SIL1: variants seen among roughly 807,000 people sequenced by gnomAD.
SIL1 encodes nucleotide exchange factor SIL1.
SIL1 carries 40 observed loss-of-function variants against 49.1 expected under a neutral mutation model. The ratio of observed to expected loss-of-function variants is 0.81; its 90% CI spans 0.63 to 1.06. The LOEUF is 1.06. Ranked by LOEUF, SIL1 falls within the 50% of genes least tolerant of loss-of-function variation. The pLI is 0.00. For synonymous variants in SIL1, 253 were observed against 250.8 expected (o/e 1.01, Z -0.08); for missense variants, 500 against 572.6 (o/e 0.87, Z 1.29).
intron 1 of SIL1, among the ~76,000 whole-genome samples, chr5:139,140,887 T>C (rs1397896481): frequency 6.6e-6 from 1 of 152,178 alleles, no homozygotes; most frequent in African/African-American, 2.4e-5. Context: ...AAGCAGAGTA[T>C]TGCCTAGGAA....
chr5:139,195,549 G>A (rs1337774339), intron 1 of SIL1, among the ~76,000 whole-genome samples: 1 of 152,010 alleles, frequency 6.6e-6, no homozygotes, highest in Non-Finnish European at 1.5e-5. Context: ...CACCTCGCCC[G>A]GGTAATTTTT....
chr5:139,073,644 G>C (rs1769882504), intron 3 of SIL1, among the ~76,000 whole-genome samples: 1 of 152,130 alleles, frequency 6.6e-6, no homozygotes, highest in African/African-American at 2.4e-5. Flanking sequence ...GGTAACTATA[G>C]TTAATAATAT....
At chr5:139,062,079 C>T (rs1769601643) in intron 3 of SIL1, among the ~76,000 whole-genome samples, 1 of 152,224 alleles carries the variant, frequency 6.6e-6, no homozygotes, top group African/African-American at 2.4e-5. Flanking sequence ...AACCCCCGAA[C>T]AAGTCTTGGC....
chr5:139,118,844 C>T (rs1475702983), intron 3 of SIL1, among the ~76,000 whole-genome samples: 1 of 152,174 alleles, frequency 6.6e-6, no homozygotes, highest in Non-Finnish European at 1.5e-5. Flanking sequence ...TGGTCTGACA[C>T]CATGACACCA....
intron 7 of SIL1, chr5:139,016,849 CT>C (rs796617362): frequency 0.015 from 2,256 of 149,944 alleles, 43 homozygotes; most frequent in African/African-American, 0.048. Flanking sequence ...TCTGTCTACT[CT>C]TTTTTTTTTC....
At chr5:139,193,283 G>A (rs560425781) in intron 1 of SIL1, among the ~76,000 whole-genome samples, 2 of 152,300 alleles carry the variant, frequency 1.3e-5, no homozygotes, top group East Asian at 3.9e-4. Context: ...ATTGGGGGTA[G>A]CTGGGCACGA....
intron 7 of SIL1, among the ~76,000 whole-genome samples, chr5:138,990,784 C>T (rs569557991): frequency 6.6e-6 from 1 of 152,306 alleles, no homozygotes; most frequent in African/African-American, 2.4e-5. Flanking sequence ...GGCGCGATCT[C>T]GGCTCACCGC....
chr5:139,188,874 C>T (rs1380382009), intron 1 of SIL1, among the ~76,000 whole-genome samples: 1 of 152,170 alleles, frequency 6.6e-6, no homozygotes, highest in Non-Finnish European at 1.5e-5. Context: ...CTGGCTTGAG[C>T]ACCTGACAAG....
chr5:139,103,968 A>G (rs989454083), intron 3 of SIL1, among the ~76,000 whole-genome samples: 7 of 152,214 alleles, frequency 4.6e-5, no homozygotes, highest in African/African-American at 1.7e-4. Context: ...AGAGCCCACA[A>G]AGGCCAAACT....
At chr5:139,040,484 C>CTTTTTTTTTTTTTTTTTT (rs140792595) in intron 5 of SIL1, among the ~76,000 whole-genome samples, 1 of 89,410 alleles carries the variant, frequency 1.1e-5, no homozygotes, top group Non-Finnish European at 2.1e-5. Context: ...AGTATTTTTT[C>CTTTTTTTTTTTTTTTTTT]TTTTTTCTTT....
chr5:139,079,298 G>A (rs1178483339), intron 3 of SIL1, among the ~76,000 whole-genome samples: 1 of 152,192 alleles, frequency 6.6e-6, no homozygotes, highest in Non-Finnish European at 1.5e-5. Flanking sequence ...TCCAATTCAG[G>A]AGACCCTGAG....
intron 3 of SIL1, among the ~76,000 whole-genome samples, chr5:139,067,369 C>T (rs1344372397): frequency 1.3e-5 from 2 of 152,168 alleles, no homozygotes; most frequent in Non-Finnish European, 2.9e-5. Context: ...AAACCACACA[C>T]ATCAGACTTT....
intron 7 of SIL1, among the ~76,000 whole-genome samples, chr5:139,000,016 T>G (rs1767953752): frequency 6.6e-6 from 1 of 152,226 alleles, no homozygotes; most frequent in Non-Finnish European, 1.5e-5. Context: ...ATAAAAGTGA[T>G]GTAAATAGGC....
At chr5:138,953,453 G>A (rs1240409316) in intron 7 of SIL1, 1 of 152,336 alleles carries the variant, frequency 6.6e-6, no homozygotes, top group Non-Finnish European at 1.5e-5. Flanking sequence ...CGAGCACGCT[G>A]AGCCAGCTTT....
chr5:138,994,812 C>G (rs908028910), intron 7 of SIL1, among the ~76,000 whole-genome samples: 3 of 152,122 alleles, frequency 2.0e-5, no homozygotes, highest in Non-Finnish European at 4.4e-5. Context: ...AGGTATTAAG[C>G]CCTGCATGCA....
At chr5:139,197,997 G>A (rs1641682537) in intron 1 of SIL1, among the ~76,000 whole-genome samples, 1 of 152,154 alleles carries the variant, frequency 6.6e-6, no homozygotes, top group South Asian at 2.1e-4. Context: ...AAACAGGTGC[G>A]GAGCCAAAGC....
At chr5:139,091,316 T>A (rs1163383851) in intron 3 of SIL1, among the ~76,000 whole-genome samples, 1 of 151,978 alleles carries the variant, frequency 6.6e-6, no homozygotes, top group East Asian at 1.9e-4. Context: ...TTTAATATCA[T>A]AGAGTGTTAA....
chr5:139,018,072 C>G (rs1466165094), intron 7 of SIL1, among the ~76,000 whole-genome samples: 5 of 152,116 alleles, frequency 3.3e-5, no homozygotes, highest in African/African-American at 4.8e-5. Flanking sequence ...ACGTGTGTGA[C>G]CCATATATAA....
intron 7 of SIL1, among the ~76,000 whole-genome samples, chr5:139,005,454 CT>C (rs200312457): frequency 0.024 from 3,467 of 144,044 alleles, 128 homozygotes; most frequent in African/African-American, 0.073. Flanking sequence ...TTTTTTCTTC[CT>C]TTTTTTTTTA....
Sources: allele counts gnomAD v4.1 joint callset (sites outside exome capture counted in the v4.1 genomes callset), GRCh38; gene constraint gnomAD v4.1.1; transcripts MANE v1.5; gene names NCBI Gene and HGNC (gene_info 2026-07-23, HGNC 2026-07-21).